Variants in GPR161 observed in about 807,000 individuals in gnomAD.
The protein encoded by GPR161 is G-protein coupled receptor RE2.
In GPR161, 25 loss-of-function variants were observed where a neutral mutation model predicts 39.2. The ratio of observed to expected loss-of-function variants is 0.64; its 90% CI spans 0.47 to 0.89. The LOEUF (loss-of-function observed/expected upper bound fraction) is 0.89. Among genes scored for constraint, GPR161 ranks in the 40% least tolerant of loss-of-function variants. The pLI is 0.00. For synonymous variants in GPR161, 286 were observed against 276.6 expected (o/e 1.03, Z -0.34); for missense variants, 547 against 677.8 (o/e 0.81, Z 2.14).
At chr1:168,110,679 T>C (rs1408107266) in intron 1 of GPR161, among the ~76,000 whole-genome samples, 1 of 151,694 alleles carries the variant, frequency 6.6e-6, no homozygotes, top group African/African-American at 2.4e-5. Flanking sequence ...ATCCCAGCAC[T>C]TTGGGAGGCT....
intron 1 of GPR161, among the ~76,000 whole-genome samples, chr1:168,135,429 G>C (rs1402424171): frequency 6.6e-6 from 1 of 152,168 alleles, no homozygotes; most frequent in East Asian, 1.9e-4. Flanking sequence ...CCGGAAGAGA[G>C]GTGCTCTGAA....
intron 1 of GPR161, among the ~76,000 whole-genome samples, chr1:168,126,756 A>T (rs1278642302): frequency 6.6e-6 from 1 of 152,176 alleles, no homozygotes; most frequent in Non-Finnish European, 1.5e-5. Context: ...ACCCGGCCAT[A>T]ATACAAGTTT....
At chr1:168,126,281 T>C (rs978900919) in intron 1 of GPR161, among the ~76,000 whole-genome samples, 6 of 152,128 alleles carry the variant, frequency 3.9e-5, no homozygotes, top group Non-Finnish European at 7.3e-5. Flanking sequence ...ACCTCCTTGT[T>C]GCCACTTATT....
rs1345753503 is a variant in GPR161 at position 168,097,068 on chromosome 1, G to A, written c.539C>T (p.Ala180Val). ...EFDEFKWMCV[A>V]AWHREPGYTA... ...GTAGCCAGGCTCCCGGTGCCAAGCA[G>A]CCACACACATCCATTTGAACTCGTC... Residue 180 changes from alanine to valine, a missense_variant, in exon 3 of 6, where the codon GCT (alanine) becomes GTT (valine). Coordinates refer to ENST00000682931, the MANE Select transcript of GPR161 (RefSeq NM_001375883.1). 6.2e-7 allele frequency: 1 copy of A among 1,613,952 alleles called. No homozygotes were observed. The highest frequency in any genetic ancestry group is 1.1e-5 in the South Asian group (1 of 91,084).
rs758610132 is a variant in GPR161, at chr1:168,096,626, C to G, written c.981G>C (p.Trp327Cys). 1.2e-6 allele frequency: 2 copies of G among 1,614,222 alleles called. No homozygotes were observed. Among genetic ancestry groups the G allele is most frequent in the Non-Finnish European group, 1.7e-6 (2 of 1,180,034 alleles). The change falls in exon 3 of 6, where the codon TGG becomes TGC. Residue 327 changes from tryptophan (W) to cysteine (C), a missense_variant. Physicochemically the swap from Trp to Cys is radical, Grantham distance 215. Coordinates refer to ENST00000682931, the MANE Select transcript of GPR161 (RefSeq NM_001375883.1). ...GTAGTTCTTTGCGAACTGTCTTGTTCCAGAGTCCATAGATCAGGGGGTGGC... is the reference window on the plus strand; with the variant it reads ...GTAGTTCTTTGCGAACTGTCTTGTTGCAGAGTCCATAGATCAGGGGGTGGC... ...AVCHPLIYGL[W>C]NKTVRKELLG... is the part of the protein sequence containing the mutation.
At position 168,096,476 on chromosome 1, in the gene GPR161, C is replaced by T. The variant is rs986047433; in HGVS notation, c.1099+32G>A. The T allele has an allele frequency of 5.0e-6, 8 of 1,592,682 alleles. No individual in the cohort carries two copies. The East Asian group carries it at 6.7e-5, about 13-fold the overall frequency. ...AGAGGACCACAGATTTCATCTGCCTCGGAGGGGCTATCCTAACAATGCCCA... is the reference window on the plus strand; with the variant it reads ...AGAGGACCACAGATTTCATCTGCCTTGGAGGGGCTATCCTAACAATGCCCA... On this transcript the variant is annotated intron_variant, in intron 3 of 5. Coordinates refer to ENST00000682931, the MANE Select transcript of GPR161 (RefSeq NM_001375883.1).
At chr1:168,112,157 A>C (rs1697226666) in intron 1 of GPR161, among the ~76,000 whole-genome samples, 1 of 152,162 alleles carries the variant, frequency 6.6e-6, no homozygotes, top group South Asian at 2.1e-4. Flanking sequence ...ATCCAGAGAT[A>C]AGAGGTAGGG....
rs758935632 is a variant in GPR161 at position 168,083,414 on chromosome 1, T to C, written c.*2117A>G. On this transcript the variant is annotated 3_prime_UTR_variant, in exon 6 of 6. Transcript: ENST00000682931. ...AGTCAGGGGAACATTCTCCAACCCT[T>C]GCGTTTCAAAGCCAAGCTGCTGCAC... is the stretch of plus-strand genomic sequence containing the variant. 13 of 152,356 alleles carry C rather than the reference T, an allele frequency of 8.5e-5. No individual in the cohort carries two copies. Among genetic ancestry groups the C allele is most frequent in the African/African-American group, 1.9e-4 (8 of 41,556 alleles). 9.4% of individuals were successfully genotyped at this position (152,356 alleles called of 1,614,324 possible). A position where few individuals can be genotyped will look rare whatever the true frequency, so the allele number is the denominator to read the frequency against.
rs1194291622 is a variant in GPR161 at position 168,127,421 on chromosome 1, T to C, written c.-45+9318A>G. On this transcript the variant is annotated intron_variant, in intron 1 of 5. Coordinates refer to ENST00000682931, the MANE Select transcript of GPR161 (RefSeq NM_001375883.1). ...AATACTTGAACCCAGGAGGTGGGCA[T>C]TGCAGTGAGCCAAGATGGCGCCACT... Among the ~76,000 whole-genome samples, 13 of 151,936 alleles carry C rather than the reference T, an allele frequency of 8.6e-5. No individual in the cohort carries two copies. In the South Asian group the frequency reaches 1.5e-3, roughly 17 times the overall value.
intron 1 of GPR161, among the ~76,000 whole-genome samples, chr1:168,112,509 A>G (rs1697279758): frequency 1.3e-5 from 2 of 149,132 alleles, no homozygotes; most frequent in South Asian, 4.2e-4. Flanking sequence ...AAAAAAAGGA[A>G]AAGAAAAAAA....
At chr1:168,120,131 T>G (rs965395292) in intron 1 of GPR161, among the ~76,000 whole-genome samples, 1 of 152,176 alleles carries the variant, frequency 6.6e-6, no homozygotes, top group Non-Finnish European at 1.5e-5. Context: ...CCGCAGGCAC[T>G]CAACACCAGC....
chr1:168,097,432 C>A (rs746659787), intron 2 of GPR161, among the ~76,000 whole-genome samples, 200 bp from the exon 3 acceptor site: 1 of 152,194 alleles, frequency 6.6e-6, no homozygotes, highest in African/African-American at 2.4e-5. Flanking sequence ...GAGCTCAACA[C>A]TGGCAAGACA....
chr1:168,135,071 C>T (rs1489620305), intron 1 of GPR161: 6 of 1,477,430 alleles, frequency 4.1e-6, no homozygotes, highest in Admixed American at 4.2e-5. Flanking sequence ...GATATCGTTG[C>T]GGCCTTGGAT....
intron 4 of GPR161, among the ~76,000 whole-genome samples, chr1:168,089,782 C>G (rs1336419140): frequency 1.3e-5 from 2 of 152,356 alleles, no homozygotes; most frequent in East Asian, 3.9e-4. Flanking sequence ...TCCTGTGGCT[C>G]TAACAGCGTG....
At chr1:168,137,256 G>C (rs934911412), upstream of GPR161, 80 of 1,487,494 alleles carry the variant, frequency 5.4e-5, no homozygotes, top group Middle Eastern at 2.6e-3. Context: ...AGTTCCAGCC[G>C]CTGGGACGTC....
At chr1:168,135,017 A>G in intron 1 of GPR161, 5 of 1,532,152 alleles carry the variant, frequency 3.3e-6, no homozygotes, top group Non-Finnish European at 4.4e-6. Context: ...CACCTCTCAG[A>G]GGACGCACAG....
At chr1:168,119,533 G>C (rs1157592661) in intron 1 of GPR161, among the ~76,000 whole-genome samples, 1 of 151,954 alleles carries the variant, frequency 6.6e-6, no homozygotes, top group Non-Finnish European at 1.5e-5. Flanking sequence ...ATAGTTTAAT[G>C]AGAATAGGGT....
upstream of GPR161, chr1:168,136,946 GCGCCC>G (rs1266746477): frequency 2.0e-5 from 19 of 947,916 alleles, no homozygotes; most frequent in East Asian, 1.3e-4. Flanking sequence ...TGCGGCGCCC[GCGCCC>G]CGCCCCGCCC....
chr1:168,118,611 A>AT (rs1697834726), intron 1 of GPR161: 1 of 152,176 alleles, frequency 6.6e-6, no homozygotes, highest in African/African-American at 2.4e-5. Context: ...ATATATACAC[A>AT]TAAAAAAAAA....
Sources: allele counts gnomAD v4.1 joint callset (sites outside exome capture counted in the v4.1 genomes callset), GRCh38; gene constraint gnomAD v4.1.1; transcripts MANE v1.5; gene names NCBI Gene and HGNC (gene_info 2026-07-23, HGNC 2026-07-21).